The following MAST2 variants were observed in gnomAD, a reference collection of about 807,000 sequenced individuals.
MAST2 encodes microtubule associated serine/threonine kinase 2.
A neutral mutation model predicts 147.4 loss-of-function variants in MAST2; 70 were observed. The observed-to-expected ratio is 0.47, with a 90% CI of 0.39 to 0.58. The LOEUF (loss-of-function observed/expected upper bound fraction) is 0.58, where lower values mean the gene tolerates loss of function less well. MAST2 is among the 20% of genes least tolerant of loss of function. The probability of loss-of-function intolerance (pLI) is 0.00; values close to 1 mark genes in which losing one functional copy is unlikely to be tolerated. For synonymous variants in MAST2, 869 were observed against 896.8 expected, an observed-to-expected ratio of 0.97 and a Z score of 0.55; for missense variants, 2,080 against 2,302.3, an observed-to-expected ratio of 0.90 and a Z score of 1.98.
intron 1 of MAST2, among the ~76,000 whole-genome samples, chr1:45,817,156 A>C (rs1644481531): frequency 6.6e-6 from 1 of 152,246 alleles, no homozygotes; most frequent in Non-Finnish European, 1.5e-5. Flanking sequence ...ATAGGGGTAG[A>C]AAGTTTATCG....
rs1489075477 is a variant in MAST2, at chr1:46,032,689, C to T, written c.3508C>T (p.His1170Tyr). Residue 1170 changes from histidine (H) to tyrosine (Y), a missense_variant, in exon 26 of 29, where the codon CAC becomes TAC. Coordinates refer to ENST00000361297, the MANE Select transcript of MAST2 (RefSeq NM_015112.3). ...TGGGGAACCTGTGCATGGCCTGGTGCACACGGAGGTGGTAGAGCTGATCCT... is the reference window on the plus strand; with the variant it reads ...TGGGGAACCTGTGCATGGCCTGGTGTACACGGAGGTGGTAGAGCTGATCCT... ...VNGEPVHGLV[H>Y]TEVVELILKS... The T allele has an allele frequency of 6.2e-7, 1 of 1,614,094 alleles. No homozygotes were observed. The highest frequency in any genetic ancestry group is 1.1e-5 in the South Asian group (1 of 91,078).
intron 15 of MAST2, 99 bp from the exon 16 acceptor site, chr1:46,025,578 A>G: frequency 1.4e-6 from 2 of 1,396,786 alleles, no homozygotes; most frequent in Non-Finnish European, 1.0e-6. Context: ...TATTCCATGA[A>G]GCTGTCTCCT....
intron 5 of MAST2, among the ~76,000 whole-genome samples, chr1:45,984,598 C>A (rs1230164318): frequency 2.0e-5 from 3 of 152,098 alleles, no homozygotes; most frequent in African/African-American, 4.8e-5. Flanking sequence ...CAAGAACCAC[C>A]ACCCCTGGCC....
In MAST2 at chr1:46,034,115, A is replaced by C; in HGVS notation, c.3717A>C (p.Ala1239=). Residue 1239 remains alanine, a synonymous_variant, in exon 28 of 29, where the codon GCA becomes GCC. Coordinates refer to ENST00000361297, the MANE Select transcript of MAST2 (RefSeq NM_015112.3). ...SSLFRKITKQ[A]SLLHTSRSLS... is the part of the protein sequence containing the mutation. ...TGTTCCGCAAGATCACCAAGCAAGC[A>C]TCCCTGCTCCACACCAGCCGCAGCC... 6.2e-7 allele frequency: 1 copy of C among 1,614,016 alleles called. No individual in the cohort carries two copies.
At chr1:46,030,508 T>C (rs2149332204) in intron 21 of MAST2, 99 bp from the exon 22 acceptor site, 10 of 1,393,582 alleles carry the variant, frequency 7.2e-6, no homozygotes, top group South Asian at 1.3e-5. Flanking sequence ...TGGAACCGAC[T>C]GGTTCAAATT....
intron 3 of MAST2, among the ~76,000 whole-genome samples, chr1:45,830,434 A>G (rs1056984976): frequency 1.3e-5 from 2 of 151,938 alleles, no homozygotes; most frequent in Non-Finnish European, 2.9e-5. Context: ...CAGCCTCCCA[A>G]AGTGTTGGGA....
intron 5 of MAST2, among the ~76,000 whole-genome samples, chr1:45,973,002 A>G (rs765582068): frequency 1.3e-5 from 2 of 152,074 alleles, no homozygotes; most frequent in Admixed American, 6.6e-5. Context: ...TCTTCTCCCT[A>G]ATCTCCCCAA....
intron 5 of MAST2, among the ~76,000 whole-genome samples, chr1:45,975,602 G>A (rs1055955884): frequency 6.7e-6 from 1 of 149,962 alleles, no homozygotes; most frequent in Non-Finnish European, 1.5e-5. Context: ...AGTACAGGAA[G>A]TCACGGCTGC....
intron 17 of MAST2, among the ~76,000 whole-genome samples, chr1:46,028,139 C>CTGAG (rs1646495336): frequency 6.6e-6 from 1 of 152,172 alleles, no homozygotes; most frequent in Non-Finnish European, 1.5e-5. Flanking sequence ...CAGAGAGGCA[C>CTGAG]TGAGATAGGT....
chr1:45,956,334 C>T (rs1195423675), intron 4 of MAST2, among the ~76,000 whole-genome samples: 1 of 152,136 alleles, frequency 6.6e-6, no homozygotes. Flanking sequence ...TCTATGGCTC[C>T]TAAATGTTCC....
chr1:45,806,930 A>G (rs751243931), intron 1 of MAST2, among the ~76,000 whole-genome samples: 17 of 151,762 alleles, frequency 1.1e-4, no homozygotes, highest in Middle Eastern at 3.4e-3. Context: ...CTAGCCTCGA[A>G]CTCCTGGGCT....
chr1:45,891,349 T>C (rs1231733710), intron 4 of MAST2, among the ~76,000 whole-genome samples: 5 of 152,056 alleles, frequency 3.3e-5, no homozygotes, highest in Admixed American at 3.3e-4. Flanking sequence ...TTAAAAAAAT[T>C]AGCCAGGTGT....
chr1:45,964,216 T>G (rs1312394815), intron 5 of MAST2, among the ~76,000 whole-genome samples: 1 of 152,226 alleles, frequency 6.6e-6, no homozygotes, highest in Non-Finnish European at 1.5e-5. Context: ...TGTATCAGGA[T>G]GATGCCGGCC....
intron 9 of MAST2, among the ~76,000 whole-genome samples, chr1:46,009,147 G>A (rs530079676): frequency 9.9e-5 from 15 of 152,114 alleles, no homozygotes; most frequent in Non-Finnish European, 1.2e-4. Flanking sequence ...CTCTGCCTCC[G>A]GGGTTCAGAC....
intron 5 of MAST2, among the ~76,000 whole-genome samples, chr1:45,987,184 A>T (rs967405325): frequency 6.6e-6 from 1 of 152,200 alleles, no homozygotes; most frequent in African/African-American, 2.4e-5. Flanking sequence ...AGTTGTTCTG[A>T]TAACTGTAGA....
chr1:45,980,094 C>T (rs182586306), intron 5 of MAST2, among the ~76,000 whole-genome samples: 3 of 151,970 alleles, frequency 2.0e-5, no homozygotes, highest in South Asian at 2.1e-4. Context: ...AGACCAGCCT[C>T]GCCAACCTGG....
intron 3 of MAST2, among the ~76,000 whole-genome samples, chr1:45,866,550 T>C (rs778472351): frequency 2.0e-5 from 3 of 152,144 alleles, no homozygotes; most frequent in Non-Finnish European, 4.4e-5. Flanking sequence ...ATTTTCTGTT[T>C]TGTGTTAAAT....
At chr1:45,832,961 C>G (rs182438587) in intron 3 of MAST2, among the ~76,000 whole-genome samples, 25 of 152,108 alleles carry the variant, frequency 1.6e-4, no homozygotes, top group African/African-American at 5.8e-4. Flanking sequence ...TCCCTAACCC[C>G]GCCCCCACAC....
chr1:45,952,871 A>G (rs1659130507), intron 4 of MAST2, among the ~76,000 whole-genome samples: 1 of 152,208 alleles, frequency 6.6e-6, no homozygotes, highest in Non-Finnish European at 1.5e-5. Flanking sequence ...TTTCAGAAAC[A>G]AAGAAGAAAT....
Sources: allele counts gnomAD v4.1 joint callset (sites outside exome capture counted in the v4.1 genomes callset), GRCh38; gene constraint gnomAD v4.1.1; transcripts MANE v1.5; gene names NCBI Gene and HGNC (gene_info 2026-07-23, HGNC 2026-07-21).